Variants in ZNF362 observed in about 807,000 individuals in gnomAD.
The protein encoded by ZNF362 is rotund homolog.
In ZNF362, 11 loss-of-function variants were observed where a neutral mutation model predicts 42.9. The observed-to-expected ratio is 0.26, with a 90% CI of 0.16 to 0.42. The LOEUF (loss-of-function observed/expected upper bound fraction) is 0.42, where lower values mean the gene tolerates loss of function less well. ZNF362 is among the 20% of genes least tolerant of loss of function. The pLI is 1.00. For missense variants in ZNF362, 362 were observed against 576.2 expected, an observed-to-expected ratio of 0.63 and a Z score of 3.81; for synonymous variants, 255 against 257.3, an observed-to-expected ratio of 0.99 and a Z score of 0.09.
chr1:33,243,339 G>C, the ZNF362 span, among the ~76,000 whole-genome samples: 431 of 151,768 alleles, frequency 2.8e-3, 1 homozygote, highest in African/African-American at 9.8e-3. Context: ...GCACCACCCG[G>C]CTAATTTTTG....
chr1:33,227,156 A>G, the ZNF362 span, among the ~76,000 whole-genome samples: 1 of 152,190 alleles, frequency 6.6e-6, no homozygotes, highest in Non-Finnish European at 1.5e-5. Context: ...TCATTGAACT[A>G]TATACTTTAA....
At chr1:33,208,124 A>G in the ZNF362 span, among the ~76,000 whole-genome samples, 2,331 of 152,300 alleles carry the variant, frequency 0.015, 75 homozygotes, top group African/African-American at 0.054. Flanking sequence ...AGTGTAAGGA[A>G]GGGATCCAGT....
chr1:33,189,718 T>C, the ZNF362 span, among the ~76,000 whole-genome samples: 5,002 of 125,682 alleles, frequency 0.04, 445 homozygotes, highest in South Asian at 0.055. Context: ...CGTATATATA[T>C]ACATACACAC....
the ZNF362 span, among the ~76,000 whole-genome samples, chr1:33,236,548 A>ATATAT: frequency 8.4e-4 from 5 of 5,982 alleles, no homozygotes; most frequent in African/African-American, 1.3e-3. Flanking sequence ...AAAAAAAAAA[A>ATATAT]AAATATATAT....
intron 1 of ZNF362, among the ~76,000 whole-genome samples, chr1:33,262,748 T>A (rs1278741238): frequency 6.6e-6 from 1 of 152,186 alleles, no homozygotes; most frequent in East Asian, 1.9e-4. Context: ...ACCTTTTCCA[T>A]TACCACCCCT....
At chr1:33,261,829 T>C (rs2148064283) in intron 1 of ZNF362, 1 of 152,374 alleles carries the variant, frequency 6.6e-6, no homozygotes, top group Non-Finnish European at 1.5e-5. Flanking sequence ...CAAGGCCACG[T>C]GCATCTCTGT....
At chr1:33,128,881 G>A in the ZNF362 span, among the ~76,000 whole-genome samples, 1 of 152,198 alleles carries the variant, frequency 6.6e-6, no homozygotes, top group Non-Finnish European at 1.5e-5. Context: ...TCCAAGTGGA[G>A]ATAATTGTGA....
intron 8 of ZNF362, among the ~76,000 whole-genome samples, chr1:33,298,077 C>G (rs1646138234): frequency 6.6e-6 from 1 of 152,198 alleles, no homozygotes; most frequent in African/African-American, 2.4e-5. Context: ...AGTACCGCCT[C>G]TGCTTCTGGC....
the ZNF362 span, among the ~76,000 whole-genome samples, chr1:33,155,628 G>A: frequency 7.9e-5 from 12 of 152,244 alleles, no homozygotes; most frequent in Admixed American, 2.0e-4. Context: ...TTTCCAAGTC[G>A]TGACCAAGGA....
the ZNF362 span, chr1:33,181,786 C>G: frequency 4.9e-6 from 1 of 202,888 alleles, no homozygotes; most frequent in African/African-American, 2.5e-5. The surrounding 1 kb of genome is among the most constrained non-coding windows in gnomAD (Gnocchi z 6.5). Flanking sequence ...GAAGGGGATC[C>G]CGGAGCGGGG....
chr1:33,285,870 C>G (rs1444836984), intron 6 of ZNF362, among the ~76,000 whole-genome samples: 1 of 152,160 alleles, frequency 6.6e-6, no homozygotes, highest in Non-Finnish European at 1.5e-5. Context: ...TGAGACCAGC[C>G]TGGTCAACAT....
chr1:33,253,315 A>C (rs1424889110), upstream of ZNF362, among the ~76,000 whole-genome samples: 1 of 150,026 alleles, frequency 6.7e-6, no homozygotes, highest in Non-Finnish European at 1.5e-5. Context: ...ACCTCACCCC[A>C]ACTGCCTCCA....
chr1:33,267,820 C>G (rs143794018), intron 1 of ZNF362, among the ~76,000 whole-genome samples: 22 of 152,274 alleles, frequency 1.4e-4, no homozygotes, highest in Non-Finnish European at 2.6e-4. Context: ...ACGCAAACAG[C>G]TTTGTACATA....
chr1:33,226,568 C>T, the ZNF362 span, among the ~76,000 whole-genome samples: 2 of 152,104 alleles, frequency 1.3e-5, no homozygotes, highest in South Asian at 2.1e-4. Flanking sequence ...ACCTTGAAAA[C>T]GTTATGCTAA....
At chr1:33,180,967 G>GC in the ZNF362 span, 1 of 372,300 alleles carries the variant, frequency 2.7e-6, no homozygotes, top group South Asian at 2.5e-5. Flanking sequence ...CCCACCCCCC[G>GC]CCCGGCCCCA....
At chr1:33,271,141 C>T (rs1192130727) in intron 2 of ZNF362, among the ~76,000 whole-genome samples, 5 of 152,210 alleles carry the variant, frequency 3.3e-5, no homozygotes, top group African/African-American at 1.2e-4. Flanking sequence ...GATTCTGTCC[C>T]ATCACCCACT....
upstream of ZNF362, among the ~76,000 whole-genome samples, chr1:33,253,818 G>A (rs1438160604): frequency 6.6e-6 from 1 of 152,100 alleles, no homozygotes. Context: ...GAACTGCTCA[G>A]CAATGCCGTG....
At chr1:33,197,506 G>C in the ZNF362 span, among the ~76,000 whole-genome samples, 1 of 152,176 alleles carries the variant, frequency 6.6e-6, no homozygotes, top group Non-Finnish European at 1.5e-5. Context: ...TTGATCAAAA[G>C]TCGTTATGCA....
the ZNF362 span, among the ~76,000 whole-genome samples, chr1:33,223,061 G>T: frequency 6.6e-6 from 1 of 152,086 alleles, no homozygotes; most frequent in African/African-American, 2.4e-5. Context: ...GACCATCCTG[G>T]ACAACATGGT....
Sources: gnomAD v4.1 joint callset for allele counts (sites outside exome capture counted in the v4.1 genomes callset) on GRCh38, gnomAD v4.1.1 for gene constraint, Gnocchi (gnomAD v3.1) non-coding constraint, MANE v1.5 for transcripts, NCBI Gene and HGNC (gene_info 2026-07-23, HGNC 2026-07-21) for gene names.